NRXN3: variants seen among roughly 807,000 people sequenced by gnomAD.
NRXN3 encodes the protein neurexin 3.
NRXN3 carries 32 observed loss-of-function variants against 137.6 expected under a neutral mutation model. The ratio of observed to expected loss-of-function variants is 0.23; its 90% CI spans 0.18 to 0.31. NRXN3 has a LOEUF of 0.31. NRXN3 is among the 10% of genes least tolerant of loss of function. The pLI is 1.00. For missense variants in NRXN3, 1,574 were observed against 2,062.5 expected (o/e 0.76, Z 4.59); for synonymous variants, 798 against 784.5 (o/e 1.02, Z -0.29).
chr14:78,309,520 T>G (rs2077732641), intron 4 of NRXN3, among the ~76,000 whole-genome samples: 1 of 152,034 alleles, frequency 6.6e-6, no homozygotes, highest in Non-Finnish European at 1.5e-5. Flanking sequence ...GTACTCAATG[T>G]TTAGAGATGC....
intron 15 of NRXN3, among the ~76,000 whole-genome samples, chr14:79,279,091 TAAAG>T (rs2080803463): frequency 6.6e-6 from 1 of 152,118 alleles, no homozygotes; most frequent in South Asian, 2.1e-4. Flanking sequence ...GCACGGGTGA[TAAAG>T]AAGGCGCAGT....
At chr14:79,475,884 A>C (rs374353428) in intron 16 of NRXN3, among the ~76,000 whole-genome samples, 3 of 152,150 alleles carry the variant, frequency 2.0e-5, no homozygotes, top group Admixed American at 1.3e-4. Flanking sequence ...TGCAGTTATC[A>C]AGCTAGCTGA....
At chr14:79,148,873 C>A (rs2059547499) in intron 15 of NRXN3, among the ~76,000 whole-genome samples, 1 of 152,058 alleles carries the variant, frequency 6.6e-6, no homozygotes, top group South Asian at 2.1e-4. Flanking sequence ...CCATGCCTTT[C>A]TTATTCTTTT....
intron 19 of NRXN3, among the ~76,000 whole-genome samples, chr14:79,783,562 C>T (rs2099120537): frequency 6.6e-6 from 1 of 152,174 alleles, no homozygotes; most frequent in African/African-American, 2.4e-5. Context: ...TCTTCAACTC[C>T]ATTAAGAGCT....
At chr14:79,556,459 C>G (rs2097430655) in intron 16 of NRXN3, among the ~76,000 whole-genome samples, 1 of 152,126 alleles carries the variant, frequency 6.6e-6, no homozygotes, top group Admixed American at 6.6e-5. Context: ...ACATATAATT[C>G]CATGCCTCTG....
At chr14:79,782,389 C>G (rs1397014350) in intron 19 of NRXN3, among the ~76,000 whole-genome samples, 3 of 152,062 alleles carry the variant, frequency 2.0e-5, no homozygotes, top group African/African-American at 7.2e-5. Context: ...AGAGTCTGAC[C>G]TTGGATGAGT....
chr14:79,385,063 CT>C (rs534880720), intron 15 of NRXN3, among the ~76,000 whole-genome samples: 64 of 151,320 alleles, frequency 4.2e-4, no homozygotes, highest in East Asian at 9.7e-4. Flanking sequence ...TAGATGGTGT[CT>C]TTTTTTTTAT....
At chr14:79,536,191 A>G (rs977321) in intron 16 of NRXN3, among the ~76,000 whole-genome samples, 127,051 of 152,132 alleles carry the variant, frequency 0.84, 54,291 homozygotes, top group South Asian at 0.94. Context: ...GAATCATGCC[A>G]TATGTTGGAC....
intron 19 of NRXN3, among the ~76,000 whole-genome samples, chr14:79,707,208 C>A (rs2098783983): frequency 6.6e-6 from 1 of 152,074 alleles, no homozygotes. Context: ...GTGCCTGCCA[C>A]AAAGCAGGGC....
chr14:78,637,478 A>G (rs2097577155), intron 4 of NRXN3, among the ~76,000 whole-genome samples: 1 of 152,234 alleles, frequency 6.6e-6, no homozygotes, highest in South Asian at 2.1e-4. Context: ...CAACAATGAT[A>G]GCTAACACTT....
intron 17 of NRXN3, among the ~76,000 whole-genome samples, chr14:79,670,539 A>G (rs2098601450): frequency 6.6e-6 from 1 of 152,128 alleles, no homozygotes; most frequent in African/African-American, 2.4e-5. Context: ...TGACATTACT[A>G]TAGGACACTT....
At chr14:79,781,897 T>G (rs939360477) in intron 19 of NRXN3, among the ~76,000 whole-genome samples, 1 of 152,210 alleles carries the variant, frequency 6.6e-6, no homozygotes, top group African/African-American at 2.4e-5. Flanking sequence ...AAGGCTTAAG[T>G]GTCCTACAGA....
intron 4 of NRXN3, among the ~76,000 whole-genome samples, chr14:78,356,500 T>C (rs2084327682): frequency 6.6e-6 from 1 of 152,216 alleles, no homozygotes; most frequent in African/African-American, 2.4e-5. Context: ...GCTTCCACCT[T>C]TGAATTCTCT....
At chr14:79,311,090 T>C (rs1356724734) in intron 15 of NRXN3, among the ~76,000 whole-genome samples, 1 of 82,896 alleles carries the variant, frequency 1.2e-5, no homozygotes, top group Non-Finnish European at 2.1e-5. Flanking sequence ...TAGCTCTTAT[T>C]ATTTTGAAAT....
At chr14:79,165,501 A>G (rs1375823944) in intron 15 of NRXN3, among the ~76,000 whole-genome samples, 5 of 151,994 alleles carry the variant, frequency 3.3e-5, no homozygotes, top group Non-Finnish European at 7.4e-5. Context: ...GTTCTCATCA[A>G]AGCAAGAATC....
chr14:78,222,341 C>T (rs137919889), intron 1 of NRXN3, among the ~76,000 whole-genome samples: 124 of 152,222 alleles, frequency 8.1e-4, no homozygotes, highest in Non-Finnish European at 1.2e-3. Context: ...CATACACACA[C>T]ACACACACAC....
chr14:79,162,290 C>G (rs572685359), intron 15 of NRXN3, among the ~76,000 whole-genome samples: 1 of 131,946 alleles, frequency 7.6e-6, no homozygotes. Flanking sequence ...TATCCCGCCC[C>G]CCTCCCCTCA....
intron 15 of NRXN3, among the ~76,000 whole-genome samples, chr14:79,095,770 C>T (rs930638520): frequency 2.6e-5 from 4 of 152,132 alleles, no homozygotes; most frequent in African/African-American, 9.7e-5. Context: ...ACTTTGCCTT[C>T]TGGATTTTGA....
At position 79,698,036 on chromosome 14, in the gene NRXN3, A is replaced by G. The variant is rs1034244874; in HGVS notation, c.4014+99A>G. The G allele has an allele frequency of 1.2e-5, 13 of 1,086,424 alleles. No homozygotes were observed. The African/African-American group carries it at 1.4e-4, about 12-fold the overall frequency. 67.3% of individuals were successfully genotyped at this position (1,086,424 alleles called of 1,614,324 possible). A position where few individuals can be genotyped will look rare whatever the true frequency, so the allele number is the denominator to read the frequency against. ...ATGTAGCTAAAGAGTTTGAATTACTATGTAAGAAGGATGCTGGCAGATACT... is the reference window on the plus strand; with the variant it reads ...ATGTAGCTAAAGAGTTTGAATTACTGTGTAAGAAGGATGCTGGCAGATACT... On this transcript the variant is annotated intron_variant, in intron 19 of 20. Coordinates refer to ENST00000335750, the MANE Select transcript of NRXN3 (RefSeq NM_001330195.2).
Sources: gnomAD v4.1 joint callset for allele counts (sites outside exome capture counted in the v4.1 genomes callset) on GRCh38, gnomAD v4.1.1 for gene constraint, MANE v1.5 for transcripts, NCBI Gene and HGNC (gene_info 2026-07-23, HGNC 2026-07-21) for gene names.